ELAPOR2: variants seen among roughly 807,000 people sequenced by gnomAD.
ELAPOR2 encodes the protein endosome-lysosome associated apoptosis and autophagy regulator family member 2.
ELAPOR2 carries 89 observed loss-of-function variants against 120.7 expected under a neutral mutation model. The observed-to-expected ratio is 0.74, with a 90% CI of 0.62 to 0.88. ELAPOR2 has a LOEUF of 0.88. Among genes scored for constraint, ELAPOR2 ranks in the 40% least tolerant of loss-of-function variants. ELAPOR2 has a pLI of 0.00. For missense variants in ELAPOR2, 1,134 were observed against 1,251.6 expected (o/e 0.91, Z 1.42); for synonymous variants, 444 against 444.9 (o/e 1.00, Z 0.03).
At chr7:86,946,798 T>C (rs1436100536) in intron 3 of ELAPOR2, among the ~76,000 whole-genome samples, 1 of 152,194 alleles carries the variant, frequency 6.6e-6, no homozygotes, top group Non-Finnish European at 1.5e-5. Flanking sequence ...AAAAGAAGCC[T>C]TGTCAGTATC....
chr7:86,974,551 G>A (rs1456496748), intron 1 of ELAPOR2, among the ~76,000 whole-genome samples: 1 of 147,748 alleles, frequency 6.8e-6, no homozygotes, highest in Non-Finnish European at 1.5e-5. Context: ...TTAAACACAG[G>A]TTATAAAGCA....
intron 15 of ELAPOR2, chr7:86,911,778 C>A: frequency 1.9e-6 from 1 of 526,308 alleles, no homozygotes; most frequent in Non-Finnish European, 3.6e-6. Context: ...ATTGACAACC[C>A]TGACCCATTT....
intron 8 of ELAPOR2, among the ~76,000 whole-genome samples, chr7:86,937,764 G>A (rs2116316884): frequency 6.6e-6 from 1 of 152,186 alleles, no homozygotes; most frequent in Non-Finnish European, 1.5e-5. Flanking sequence ...TGGAAAAAAT[G>A]TAACTGTTAA....
At position 87,011,748 on chromosome 7, in the gene ELAPOR2, T is replaced by G. The variant is rs74563578; in HGVS notation, c.190-46724A>C. On this transcript the variant is annotated intron_variant, in intron 1 of 21. Transcript: ENST00000450689. ...AATAAGCTTTTCATATTTCTTTACT[T>G]TCTAACAATATTAAAGGTATATTTA... 8.5e-3 allele frequency among the ~76,000 whole-genome samples: 1,292 copies of G among 152,288 alleles called. 15 individuals are homozygous for G. The highest frequency in any genetic ancestry group is 0.03 in the African/African-American group (1,240 of 41,562).
intron 2 of ELAPOR2, among the ~76,000 whole-genome samples, chr7:86,961,414 G>A (rs1329608777): frequency 6.6e-6 from 1 of 152,130 alleles, no homozygotes; most frequent in Non-Finnish European, 1.5e-5. Flanking sequence ...ATATAAAAGG[G>A]AGAAATACAT....
In ELAPOR2 at chr7:86,905,124, AAG is replaced by A. The variant is rs1444738592; in HGVS notation, c.2558+2544_2558+2545del. On this transcript the variant is annotated intron_variant, in intron 18 of 21. Transcript: ENST00000450689. ...GAAGGAAGGAAGGAAGGAAGGAAGG[AAG>A]GAAAGAAAGAAAAGAAAAGAAAGAA... 2.5e-3 allele frequency among the ~76,000 whole-genome samples: 373 copies of A among 147,906 alleles called. 1 individual carries two copies. Among genetic ancestry groups the A allele is most frequent in the Middle Eastern group, 0.011 (3 of 282 alleles).
intron 8 of ELAPOR2, among the ~76,000 whole-genome samples, chr7:86,931,849 A>G (rs1165133988): frequency 6.6e-6 from 1 of 152,028 alleles, no homozygotes; most frequent in Non-Finnish European, 1.5e-5. Context: ...CAATCTTGCC[A>G]GACCTATTTA....
At position 86,903,034 on chromosome 7, in the gene ELAPOR2, C is replaced by G. The variant is rs999259998; in HGVS notation, c.2558+4636G>C. 7.2e-5 allele frequency among the ~76,000 whole-genome samples: 11 copies of G among 152,130 alleles called. No individual in the cohort carries two copies. The East Asian group carries it at 1.9e-3, about 27-fold the overall frequency. ...TGCAAAACCTCCCTTTCTAAAGACT[C>G]TATCCTGAGTTAACTACCAAAAGCC... On this transcript the variant is annotated intron_variant, in intron 18 of 21. Coordinates refer to ENST00000450689, the MANE Select transcript of ELAPOR2 (RefSeq NM_001142749.3).
At position 86,900,311 on chromosome 7, in the gene ELAPOR2, G is replaced by A. The variant is rs372082621; in HGVS notation, c.2559-2679C>T. Among the ~76,000 whole-genome samples the A allele has an allele frequency of 7.9e-5, 12 of 152,156 alleles. No individual in the cohort carries two copies. The East Asian group carries it at 1.7e-3, about 22-fold the overall frequency. ...GGGTTACAATTCTAACTGGACACTC[G>A]AATGATTATGTTTTCCTACAAATGA... On this transcript the variant is annotated intron_variant, in intron 18 of 21. Transcript: ENST00000450689.
intron 8 of ELAPOR2, among the ~76,000 whole-genome samples, chr7:86,933,958 G>T (rs1415775081): frequency 6.6e-6 from 1 of 151,940 alleles, no homozygotes; most frequent in Non-Finnish European, 1.5e-5. Flanking sequence ...GTGCTTGTGT[G>T]CACCTATATA....
chr7:86,958,227 G>C (rs1791555064), intron 2 of ELAPOR2, among the ~76,000 whole-genome samples: 1 of 151,994 alleles, frequency 6.6e-6, no homozygotes, highest in Admixed American at 6.6e-5. Context: ...TATTGTTTTA[G>C]TTTCCTAATC....
chr7:86,911,322 T>A lies in ELAPOR2; in HGVS notation c.2169+750A>T, dbSNP rs567533543. 2.0e-4 allele frequency among the ~76,000 whole-genome samples: 30 copies of A among 152,282 alleles called. 2 individuals carry two copies. In the South Asian group the frequency reaches 6.2e-3, roughly 32 times the overall value. On this transcript the variant is annotated intron_variant, in intron 15 of 21. Coordinates refer to ENST00000450689, the MANE Select transcript of ELAPOR2 (RefSeq NM_001142749.3). Reference sequence around the variant, plus strand: ...GTAAAATTTTATGGATCTTTTTGTTTGAAAACTTCTGTGGTCATCAGATCT... The same window carrying A: ...GTAAAATTTTATGGATCTTTTTGTTAGAAAACTTCTGTGGTCATCAGATCT...
Position 87,059,595 on chromosome 7 carries a change from C to A in ELAPOR2, c.-82G>T. 1 of 1,120,116 alleles carries A rather than the reference C, an allele frequency of 8.9e-7. No homozygotes were observed. The highest frequency in any genetic ancestry group is 3.8e-4 in the Middle Eastern group (1 of 2,634). 69.4% of individuals were successfully genotyped at this position (1,120,116 alleles called of 1,614,324 possible). A position where few individuals can be genotyped will look rare whatever the true frequency, so the allele number is the denominator to read the frequency against. Reference sequence around the variant, plus strand: ...GGCAGCTCCGGCTCCCGGGCCGCGACTGCTGTGCGCTCGTCTCGCCGCTCC... The same window carrying A: ...GGCAGCTCCGGCTCCCGGGCCGCGAATGCTGTGCGCTCGTCTCGCCGCTCC... On this transcript the variant is annotated 5_prime_UTR_variant, in exon 1 of 22. Transcript: ENST00000450689.
intron 17 of ELAPOR2, 38 bp downstream of exon 17, chr7:86,908,409 G>T: frequency 8.9e-7 from 1 of 1,128,424 alleles, no homozygotes; most frequent in Non-Finnish European, 1.3e-6. Context: ...GTTTCTTTTG[G>T]TTAAAATATA....
At position 87,040,076 on chromosome 7, in the gene ELAPOR2, G is replaced by A. The variant is rs188424647; in HGVS notation, c.189+19249C>T. Reference sequence around the variant, plus strand: ...CGCTTTTCCGACGGGCTTAAAACACGGCGCACCACAAGATTATATCCCGCA... The same window carrying A: ...CGCTTTTCCGACGGGCTTAAAACACAGCGCACCACAAGATTATATCCCGCA... On this transcript the variant is annotated intron_variant, in intron 1 of 21. Transcript: ENST00000450689. Among the ~76,000 whole-genome samples the A allele has an allele frequency of 2.4e-3, 371 of 152,328 alleles. 1 individual carries two copies. Among genetic ancestry groups the A allele is most frequent in the Non-Finnish European group, 3.9e-3 (262 of 68,020 alleles).
intron 10 of ELAPOR2, among the ~76,000 whole-genome samples, chr7:86,920,082 ACT>A (rs1260905571): frequency 6.6e-6 from 1 of 152,140 alleles, no homozygotes; most frequent in African/African-American, 2.4e-5. Flanking sequence ...AGTATCTGCC[ACT>A]GCAAGAGGTA....
intron 1 of ELAPOR2, among the ~76,000 whole-genome samples, chr7:87,017,975 T>C (rs1445991422): frequency 6.6e-6 from 1 of 152,092 alleles, no homozygotes; most frequent in Non-Finnish European, 1.5e-5. Flanking sequence ...GTCATTAACA[T>C]CATCAGCCTA....
intron 2 of ELAPOR2, among the ~76,000 whole-genome samples, chr7:86,957,553 T>G (rs576139135): frequency 3.3e-5 from 5 of 152,312 alleles, no homozygotes; most frequent in Admixed American, 3.3e-4. Flanking sequence ...TGAAAACATA[T>G]TCTATATATC....
chr7:86,951,808 G>C (rs767684691), intron 2 of ELAPOR2, among the ~76,000 whole-genome samples: 1 of 152,130 alleles, frequency 6.6e-6, no homozygotes, highest in Non-Finnish European at 1.5e-5. Context: ...ATCTGATTTA[G>C]TATATGTTGT....
Sources: gnomAD v4.1 joint callset for allele counts (sites outside exome capture counted in the v4.1 genomes callset) on GRCh38, gnomAD v4.1.1 for gene constraint, MANE v1.5 for transcripts, NCBI Gene and HGNC (gene_info 2026-07-23, HGNC 2026-07-21) for gene names.